Variants in CREM observed in about 807,000 individuals in gnomAD.
CREM encodes cAMP-responsive element modulator.
In CREM, 13 loss-of-function variants were observed where a neutral mutation model predicts 37.3. The observed-to-expected ratio is 0.35, with a 90% CI of 0.23 to 0.55. The LOEUF (loss-of-function observed/expected upper bound fraction) is 0.55, where lower values mean the gene tolerates loss of function less well. Ranked by LOEUF, CREM falls within the 20% of genes least tolerant of loss-of-function variation. The pLI, the probability that CREM is intolerant of heterozygous loss-of-function variation, is 0.88. For missense variants in CREM, 296 were observed against 362.3 expected, an observed-to-expected ratio of 0.82 and a Z score of 1.49; for synonymous variants, 124 against 120.2, an observed-to-expected ratio of 1.03 and a Z score of -0.21.
At chr10:35,165,801 C>T (rs1264443744) in intron 3 of CREM, among the ~76,000 whole-genome samples, 2 of 151,644 alleles carry the variant, frequency 1.3e-5, no homozygotes, top group Non-Finnish European at 1.5e-5. Flanking sequence ...ATCCAAGATA[C>T]TGTACAGATT....
chr10:35,209,265 T>C, intron 7 of CREM: 3 of 949,360 alleles, frequency 3.2e-6, no homozygotes, highest in Non-Finnish European at 3.8e-6. Context: ...GATATCTCAT[T>C]ATATCGTATT....
intron 6 of CREM, among the ~76,000 whole-genome samples, chr10:35,199,013 G>A (rs562532559): frequency 6.6e-6 from 1 of 152,356 alleles, no homozygotes; most frequent in Admixed American, 6.5e-5. Flanking sequence ...GCCGGGCGTG[G>A]TGGCATATGC....
intron 1 of CREM, among the ~76,000 whole-genome samples, chr10:35,128,520 C>T (rs1445088653): frequency 6.8e-6 from 1 of 147,810 alleles, no homozygotes; most frequent in Non-Finnish European, 1.5e-5. Flanking sequence ...ACGTTTTTTT[C>T]CTAGTCTTTT....
At chr10:35,140,435 C>G (rs2091263266) in intron 2 of CREM, among the ~76,000 whole-genome samples, 1 of 152,070 alleles carries the variant, frequency 6.6e-6, no homozygotes. Context: ...CTATTATGTT[C>G]CCTGTAAAAG....
At chr10:35,175,693 C>G (rs765304676) in intron 3 of CREM, 1 of 1,614,132 alleles carries the variant, frequency 6.2e-7, no homozygotes, top group Non-Finnish European at 8.5e-7. Flanking sequence ...AGGACAGTAA[C>G]CACCTCCCGA....
chr10:35,187,162 AT>A (rs2094656820), intron 5 of CREM, among the ~76,000 whole-genome samples: 2 of 59,666 alleles, frequency 3.4e-5, no homozygotes, highest in African/African-American at 5.9e-5. Flanking sequence ...TATAATATAT[AT>A]TATATATTAA....
chr10:35,200,773 G>C (rs1010359319), intron 6 of CREM, among the ~76,000 whole-genome samples: 1 of 152,128 alleles, frequency 6.6e-6, no homozygotes, highest in Non-Finnish European at 1.5e-5. Context: ...GTGTATTTAG[G>C]ATTAGTGCCA....
rs149511054 is a variant in CREM, at chr10:35,146,158, C to T, written c.45-2210C>T. ...ATATAGTTTACTGGGGAAGGCCTTT[C>T]GGCATATAATTTTTGAGTTGAGACC... On this transcript the variant is annotated intron_variant, in intron 2 of 7. Transcript: ENST00000685392. 2.6e-3 allele frequency among the ~76,000 whole-genome samples: 392 copies of T among 152,296 alleles called. 3 individuals carry two copies. Among genetic ancestry groups the T allele is most frequent in the African/African-American group, 9.0e-3 (376 of 41,560 alleles).
intron 2 of CREM, among the ~76,000 whole-genome samples, chr10:35,139,022 T>G (rs1323856754): frequency 6.6e-6 from 1 of 152,192 alleles, no homozygotes; most frequent in Non-Finnish European, 1.5e-5. Flanking sequence ...TCTATCAAAG[T>G]TTGCTAAATA....
At chr10:35,197,464 A>ATTTATTTG (rs1304613887) in intron 6 of CREM, among the ~76,000 whole-genome samples, 2 of 124,890 alleles carry the variant, frequency 1.6e-5, no homozygotes, top group African/African-American at 6.1e-5. Context: ...TTATTTATTT[A>ATTTATTTG]TTTTATGAGA....
chr10:35,157,070 G>A (rs1246333203), intron 3 of CREM, among the ~76,000 whole-genome samples: 1 of 151,948 alleles, frequency 6.6e-6, no homozygotes, highest in Non-Finnish European at 1.5e-5. Flanking sequence ...TTCATCCCAG[G>A]GATGCAAGGA....
At chr10:35,146,256 C>T (rs1286932042) in intron 2 of CREM, among the ~76,000 whole-genome samples, 3 of 152,170 alleles carry the variant, frequency 2.0e-5, no homozygotes, top group Non-Finnish European at 4.4e-5. Context: ...CAACATTTCC[C>T]AGGTGGTTTC....
At chr10:35,149,889 AAC>A (rs55971717) in intron 3 of CREM, among the ~76,000 whole-genome samples, 2,996 of 111,860 alleles carry the variant, frequency 0.027, 45 homozygotes, top group South Asian at 0.064. Flanking sequence ...CTTTTGCTTA[AAC>A]ACACACACAC....
intron 6 of CREM, among the ~76,000 whole-genome samples, chr10:35,200,247 C>T (rs2095344154): frequency 6.6e-6 from 1 of 152,084 alleles, no homozygotes; most frequent in Admixed American, 6.6e-5. Flanking sequence ...CATATATTTG[C>T]TATTATATGG....
chr10:35,203,140 A>G (rs2095427101), intron 6 of CREM, among the ~76,000 whole-genome samples: 2 of 151,528 alleles, frequency 1.3e-5, no homozygotes, highest in Admixed American at 6.6e-5. Flanking sequence ...CTGTAGCCTC[A>G]ACCTCCTGGG....
Position 35,211,392 on chromosome 10 carries a change from A to G in CREM, c.894A>G (p.Val298=), listed in dbSNP as rs780984914. The G allele has an allele frequency of 3.5e-5, 57 of 1,613,214 alleles. No homozygotes were observed. Among genetic ancestry groups the G allele is most frequent in the Non-Finnish European group, 4.7e-5 (56 of 1,179,620 alleles). Reference sequence around the variant, plus strand: ...TCAAAGATCTTTATTGCCATAAAGTAGAGTAACTGTCTTTGACTTGGACCT... The same window carrying G: ...TCAAAGATCTTTATTGCCATAAAGTGGAGTAACTGTCTTTGACTTGGACCT... ...KALKDLYCHK[V]E is the part of the protein sequence containing the mutation. Residue 298 remains valine, a synonymous_variant, in exon 8 of 8, where the codon GTA becomes GTG. Coordinates refer to ENST00000685392, the MANE Select transcript of CREM (RefSeq NM_183011.2).
At position 35,138,560 on chromosome 10, in the gene CREM, A is replaced by T. The variant is rs541754153; in HGVS notation, c.44+681A>T. Among the ~76,000 whole-genome samples, 57 of 144,376 alleles carry T rather than the reference A, an allele frequency of 3.9e-4. No individual in the cohort carries two copies. The South Asian group carries it at 8.2e-3, about 21-fold the overall frequency. The allele number at this position is 144,376 out of a possible 152,430, so 94.7% of individuals were successfully genotyped here. On this transcript the variant is annotated intron_variant, in intron 2 of 7. Transcript: ENST00000685392. Reference sequence around the variant, plus strand: ...TTTTTTTTTTTGGAGACAGAGTCTCACTGTTACCCAGGCTGGTGTGCAATG... The same window carrying T: ...TTTTTTTTTTTGGAGACAGAGTCTCTCTGTTACCCAGGCTGGTGTGCAATG...
rs537354197 is a variant in CREM at position 35,178,449 on chromosome 10, C to CA, written c.169-439dup. The stretch of plus-strand genomic sequence containing the variant: ...TGATGGCTAATGTGAAGACCCAGCT[C>CA]ACGCCAGCGCCAGCTGTGAGAGTGT... On this transcript the variant is annotated intron_variant, in intron 3 of 7. Transcript: ENST00000685392. Among the ~76,000 whole-genome samples the CA allele has an allele frequency of 9.8e-5, 15 of 152,318 alleles. No individual in the cohort carries two copies. The South Asian group carries it at 3.1e-3, about 32-fold the overall frequency.
intron 3 of CREM, among the ~76,000 whole-genome samples, chr10:35,156,975 C>A (rs990138840): frequency 2.0e-5 from 3 of 152,176 alleles, no homozygotes; most frequent in African/African-American, 7.2e-5. Flanking sequence ...CCCTGATGAA[C>A]ATAGGTACAA....
Sources: allele counts gnomAD v4.1 joint callset (sites outside exome capture counted in the v4.1 genomes callset), GRCh38; gene constraint gnomAD v4.1.1; transcripts MANE v1.5; gene names NCBI Gene and HGNC (gene_info 2026-07-23, HGNC 2026-07-21).